The following ACACB variants were observed in gnomAD, a reference collection of about 807,000 sequenced individuals.
ACACB encodes the protein acetyl-CoA carboxylase 2.
In ACACB, 209 loss-of-function variants were observed where a neutral mutation model predicts 278.8. The observed-to-expected ratio is 0.75, with a 90% CI of 0.67 to 0.84. ACACB has a LOEUF of 0.84. ACACB is among the 40% of genes least tolerant of loss of function. The pLI, the probability that ACACB is intolerant of heterozygous loss-of-function variation, is 0.00. For missense variants in ACACB, 2,850 were observed against 3,269.0 expected, an observed-to-expected ratio of 0.87 and a Z score of 3.13; for synonymous variants, 1,174 against 1,285.6, an observed-to-expected ratio of 0.91 and a Z score of 1.86.
chr12:109,125,901 G>C lies in ACACB; in HGVS notation c.-10+9197G>C, dbSNP rs186039522. 4.6e-5 allele frequency among the ~76,000 whole-genome samples: 7 copies of C among 152,270 alleles called. No individual in the cohort carries two copies. The East Asian group carries it at 1.4e-3, about 29-fold the overall frequency. On this transcript the variant is annotated intron_variant, in intron 1 of 52. Transcript: ENST00000338432. ...TGACTTACATTTTGGTGCAAAACCT[G>C]ATCCATCACGAGTTCATGGCGATTC...
At chr12:109,162,053 T>G (rs1246565079) in intron 2 of ACACB, among the ~76,000 whole-genome samples, 1 of 151,692 alleles carries the variant, frequency 6.6e-6, no homozygotes, top group African/African-American at 2.4e-5. Flanking sequence ...CTCAGCTCAC[T>G]GCAACCTCTG....
intron 11 of ACACB, among the ~76,000 whole-genome samples, chr12:109,180,565 A>AT (rs571193419): frequency 6.0e-5 from 9 of 151,068 alleles, no homozygotes; most frequent in Non-Finnish European, 1.2e-4. Flanking sequence ...GGAACTCTAA[A>AT]TTTTTTTTTT....
intron 52 of ACACB, 34 bp downstream of exon 52, chr12:109,265,559 T>C (rs1169144116): frequency 6.2e-7 from 1 of 1,608,412 alleles, no homozygotes; most frequent in Admixed American, 1.7e-5. Flanking sequence ...CCCAGCCTCC[T>C]GGCAAGGACC....
In ACACB at chr12:109,246,329, C is replaced by T. The variant is rs1194484880; in HGVS notation, c.5452C>T (p.Arg1818Trp). The T allele has an allele frequency of 1.7e-5, 27 of 1,612,710 alleles. No individual in the cohort carries two copies. The highest frequency in any genetic ancestry group is 2.1e-5 in the Non-Finnish European group (25 of 1,179,804). Residue 1818 changes from arginine (R) to tryptophan (W), a missense_variant, in exon 39 of 53, where the codon CGG (arginine) becomes TGG (tryptophan). By Grantham distance (101) the Arg-to-Trp change is moderately radical (BLOSUM62 -3). Around this residue, in one of 3 missense-constraint regions of ACACB, gnomAD observed 2,265 missense variants for 2,561.3 expected, o/e 0.88. Coordinates refer to ENST00000338432, the MANE Select transcript of ACACB (RefSeq NM_001093.4). ...GTACCTGCGGGCATCCGAGATGGCCCGGGCAGAGGGCATTCCCAAAATTTA... is the reference window on the plus strand; with the variant it reads ...GTACCTGCGGGCATCCGAGATGGCCTGGGCAGAGGGCATTCCCAAAATTTA... Reference protein sequence around the residue: ...LLYLRASEMARAEGIPKIYVA... With the variant: ...LLYLRASEMAWAEGIPKIYVA...
intron 40 of ACACB, 183 bp from the exon 41 acceptor site, chr12:109,249,801 C>T (rs2047045646): frequency 1.7e-6 from 1 of 598,790 alleles, no homozygotes; most frequent in South Asian, 2.6e-5. Flanking sequence ...GCTGCACTTG[C>T]CCTTTTAGAA....
At chr12:109,135,808 C>CT (rs59597788) in intron 1 of ACACB, among the ~76,000 whole-genome samples, 1,497 of 117,230 alleles carry the variant, frequency 0.013, 62 homozygotes, top group African/African-American at 0.039. Flanking sequence ...AGAGGTAATA[C>CT]TTTTTTTTTT....
rs12426971 is a variant in ACACB, at chr12:109,209,919, A to G, written c.3249+566A>G. ...TATACACACATACACACACGTGTGT[A>G]TATATGTGTATACACACATACACAC... On this transcript the variant is annotated intron_variant, in intron 21 of 52. Coordinates refer to ENST00000338432, the MANE Select transcript of ACACB (RefSeq NM_001093.4). Among the ~76,000 whole-genome samples, 586 of 89,824 alleles carry G rather than the reference A, an allele frequency of 6.5e-3. 42 individuals are homozygous for G. The highest frequency in any genetic ancestry group is 0.015 in the East Asian group (38 of 2,520). The allele number at this position is 89,824 out of a possible 152,430, so 58.9% of individuals were successfully genotyped here.
chr12:109,140,842 G>A (rs2043104678), intron 2 of ACACB, among the ~76,000 whole-genome samples: 1 of 151,766 alleles, frequency 6.6e-6, no homozygotes, highest in African/African-American at 2.4e-5. Flanking sequence ...TAGTCTAGAG[G>A]GAGGGGCAGT....
chr12:109,128,024 C>A (rs2042723945), intron 1 of ACACB, among the ~76,000 whole-genome samples: 2 of 152,178 alleles, frequency 1.3e-5, no homozygotes, highest in South Asian at 4.1e-4. Flanking sequence ...GCCTGGCGAG[C>A]TCCTATTCAA....
At chr12:109,251,920 A>G in intron 41 of ACACB, 126 bp from the exon 42 acceptor site, 1 of 612,554 alleles carries the variant, frequency 1.6e-6, no homozygotes, top group Non-Finnish European at 2.7e-6. Context: ...TTTGGCTCCA[A>G]ATCGGGTTGC....
At chr12:109,184,522 C>T (rs1359353937) in intron 11 of ACACB, among the ~76,000 whole-genome samples, 1 of 152,112 alleles carries the variant, frequency 6.6e-6, no homozygotes, top group Admixed American at 6.6e-5. Context: ...CTAATATATA[C>T]CATTCACATT....
intron 2 of ACACB, 152 bp from the exon 3 acceptor site, chr12:109,166,709 G>A (rs967139355): frequency 2.3e-6 from 1 of 428,424 alleles, no homozygotes; most frequent in African/African-American, 2.3e-5. Flanking sequence ...GAGCCTCCTT[G>A]TAAATTGCTT....
intron 15 of ACACB, 52 bp from the exon 16 acceptor site, chr12:109,193,596 T>C: frequency 7.2e-7 from 1 of 1,392,574 alleles, no homozygotes; most frequent in Middle Eastern, 1.8e-4. Context: ...GGGATGGCTG[T>C]GGAGTTCTCA....
intron 2 of ACACB, chr12:109,154,614 T>C (rs1593418163): frequency 1.1e-5 from 1 of 87,110 alleles, no homozygotes; most frequent in Non-Finnish European, 2.4e-5. Flanking sequence ...GCGGGGTCGG[T>C]GTGGGGGCGG....
rs1255327503 is a variant in ACACB, at chr12:109,262,348, T to G, written c.6675-9T>G. 1 of 1,610,838 alleles carries G rather than the reference T, an allele frequency of 6.2e-7. No individual in the cohort carries two copies. The highest frequency in any genetic ancestry group is 1.1e-5 in the South Asian group (1 of 90,872). On this transcript the variant is annotated splice_polypyrimidine_tract_variant and intron_variant, in intron 48 of 52. Transcript: ENST00000338432. ...CATATACCCCCATCCCTGCCTCTTCTCTTTTAAGGGGTGGTGTTCTGGAAC... is the reference window on the plus strand; with the variant it reads ...CATATACCCCCATCCCTGCCTCTTCGCTTTTAAGGGGTGGTGTTCTGGAAC...
chr12:109,157,037 G>T (rs1189655681), intron 2 of ACACB, among the ~76,000 whole-genome samples: 2 of 151,896 alleles, frequency 1.3e-5, no homozygotes, highest in Admixed American at 1.3e-4. Flanking sequence ...CACAAATTTG[G>T]AATTGTCCCA....
intron 2 of ACACB, chr12:109,154,970 G>C (rs1352316525): frequency 6.5e-6 from 1 of 152,718 alleles, no homozygotes; most frequent in Non-Finnish European, 1.5e-5. Flanking sequence ...TAATGACCAT[G>C]ATCTTTTACA....
intron 29 of ACACB, among the ~76,000 whole-genome samples, chr12:109,233,016 G>A (rs2046520788): frequency 6.6e-6 from 1 of 152,140 alleles, no homozygotes; most frequent in Non-Finnish European, 1.5e-5. Flanking sequence ...AATAACAACA[G>A]AATAATAAGA....
Position 109,171,825 on chromosome 12 carries a change from C to A in ACACB, c.946C>A (p.His316Asn). 1.2e-6 allele frequency: 2 copies of A among 1,613,982 alleles called. No individual in the cohort carries two copies. Among genetic ancestry groups the A allele is most frequent in the Non-Finnish European group, 8.5e-7 (1 of 1,179,854 alleles). Reference protein sequence around the residue: ...ANAEYIKMADHYVPVPGGPNN... With the variant: ...ANAEYIKMADNYVPVPGGPNN... Reference sequence around the variant, plus strand: ...TTCAGAGTACATCAAGATGGCGGATCATTACGTCCCCGTCCCAGGAGGGCC... The same window carrying A: ...TTCAGAGTACATCAAGATGGCGGATAATTACGTCCCCGTCCCAGGAGGGCC... The change falls in exon 5 of 53, where the codon CAT becomes AAT. Residue 316 changes from histidine to asparagine, a missense_variant. Coordinates refer to ENST00000338432, the MANE Select transcript of ACACB (RefSeq NM_001093.4).
Sources: allele counts gnomAD v4.1 joint callset (sites outside exome capture counted in the v4.1 genomes callset), GRCh38; gene constraint gnomAD v4.1.1; regional missense constraint gnomAD v4.1.1; transcripts MANE v1.5; gene names NCBI Gene and HGNC (gene_info 2026-07-23, HGNC 2026-07-21).